The following IFT43 variants were observed in gnomAD, a reference collection of about 807,000 sequenced individuals.
IFT43 encodes intraflagellar transport 43, also known as intraflagellar transport protein 43 homolog.
A neutral mutation model predicts 32.3 loss-of-function variants in IFT43; 33 were observed. The ratio of observed to expected loss-of-function variants is 1.02; its 90% CI spans 0.77 to 1.37. The LOEUF (loss-of-function observed/expected upper bound fraction) is 1.37, where lower values mean the gene tolerates loss of function less well. Among genes scored for constraint, IFT43 ranks in the 40% most tolerant of loss-of-function variants. IFT43 has a pLI of 0.00. For missense variants in IFT43, 274 were observed against 265.9 expected, an observed-to-expected ratio of 1.03 and a Z score of -0.21; for synonymous variants, 93 against 98.2, an observed-to-expected ratio of 0.95 and a Z score of 0.31.
chr14:76,078,957 T>TACACCATTTAC (rs2037459176), intron 5 of IFT43, among the ~76,000 whole-genome samples: 1 of 152,140 alleles, frequency 6.6e-6, no homozygotes, highest in Non-Finnish European at 1.5e-5. Context: ...AAGTAGCGAG[T>TACACCATTTAC]CAGGGTGTAT....
intron 3 of IFT43, among the ~76,000 whole-genome samples, chr14:76,047,495 T>C (rs766297280): frequency 1.3e-5 from 2 of 152,162 alleles, no homozygotes; most frequent in African/African-American, 2.4e-5. Flanking sequence ...GTTAACTGTT[T>C]AGGAGAGGAG....
At chr14:76,023,025 C>G (rs1189196051) in intron 3 of IFT43, among the ~76,000 whole-genome samples, 1 of 152,232 alleles carries the variant, frequency 6.6e-6, no homozygotes, top group Non-Finnish European at 1.5e-5. Flanking sequence ...CTGACATTAT[C>G]TCATCAGCCT....
At chr14:76,034,974 G>A (rs1198658861) in intron 3 of IFT43, among the ~76,000 whole-genome samples, 1 of 152,252 alleles carries the variant, frequency 6.6e-6, no homozygotes, top group Admixed American at 6.5e-5. Context: ...AGAGAGGAAG[G>A]AAAGGTAGTT....
intron 2 of IFT43, among the ~76,000 whole-genome samples, chr14:76,011,572 C>T (rs1290719454): frequency 6.6e-6 from 1 of 152,222 alleles, no homozygotes; most frequent in Non-Finnish European, 1.5e-5. Context: ...TTCTTTGGCA[C>T]TGTGAAAATG....
At chr14:76,059,027 G>T in intron 4 of IFT43, 3 of 1,421,098 alleles carry the variant, frequency 2.1e-6, no homozygotes, top group Non-Finnish European at 2.7e-6. Flanking sequence ...AAAGAAAGAA[G>T]TTTTCTAGAT....
chr14:75,989,831 G>C (rs142556418), intron 2 of IFT43, among the ~76,000 whole-genome samples: 1 of 152,142 alleles, frequency 6.6e-6, no homozygotes, highest in Admixed American at 6.5e-5. Context: ...AAGCCTAATG[G>C]GTCAGGCAGG....
intron 2 of IFT43, among the ~76,000 whole-genome samples, chr14:75,998,818 T>C (rs1243177044): frequency 6.6e-6 from 1 of 152,182 alleles, no homozygotes; most frequent in Non-Finnish European, 1.5e-5. Context: ...GGCTATGACA[T>C]GTACTCTGGG....
At chr14:76,076,732 C>A (rs1055991963) in intron 5 of IFT43, 1 of 1,610,636 alleles carries the variant, frequency 6.2e-7, no homozygotes, top group Non-Finnish European at 8.5e-7. Flanking sequence ...TGAAAAGGAT[C>A]CTTCTGGGAC....
chr14:75,989,194 A>T (rs565240842), intron 2 of IFT43, among the ~76,000 whole-genome samples: 2 of 152,288 alleles, frequency 1.3e-5, no homozygotes, highest in South Asian at 4.1e-4. Flanking sequence ...GCATTTCCTT[A>T]TATTCTTAAT....
chr14:75,999,229 A>ATT (rs2035806302), intron 2 of IFT43, among the ~76,000 whole-genome samples: 1 of 5,214 alleles, frequency 1.9e-4, no homozygotes, highest in East Asian at 2.5e-3. Context: ...AATTCATTTT[A>ATT]TATATATATA....
intron 2 of IFT43, among the ~76,000 whole-genome samples, chr14:75,998,188 C>G (rs2035783159): frequency 6.6e-6 from 1 of 152,212 alleles, no homozygotes; most frequent in Non-Finnish European, 1.5e-5. Context: ...CAATTGCAAG[C>G]TGCAGAAATG....
At chr14:76,031,016 A>ATG (rs1056094497) in intron 3 of IFT43, among the ~76,000 whole-genome samples, 2 of 148,378 alleles carry the variant, frequency 1.3e-5, no homozygotes, top group African/African-American at 4.9e-5. Context: ...AAGTAAACAT[A>ATG]TGTGTATATA....
At chr14:76,060,232 T>A (rs910735757) in intron 5 of IFT43, among the ~76,000 whole-genome samples, 8 of 152,214 alleles carry the variant, frequency 5.3e-5, no homozygotes, top group Admixed American at 3.3e-4. Context: ...TATTATTATT[T>A]TTTGAGGCAG....
chr14:76,041,043 G>A (rs997160349), intron 3 of IFT43, among the ~76,000 whole-genome samples: 1 of 152,230 alleles, frequency 6.6e-6, no homozygotes, highest in African/African-American at 2.4e-5. Flanking sequence ...GCCAAGTGCA[G>A]GCACAAGCCT....
At chr14:76,065,340 A>G (rs1261691536) in intron 5 of IFT43, among the ~76,000 whole-genome samples, 1 of 152,230 alleles carries the variant, frequency 6.6e-6, no homozygotes, top group Non-Finnish European at 1.5e-5. Flanking sequence ...AGTTTTGAAA[A>G]ATCAACTTTA....
intron 5 of IFT43, among the ~76,000 whole-genome samples, chr14:76,077,656 CT>C (rs764434606): frequency 6.6e-6 from 1 of 152,130 alleles, no homozygotes; most frequent in Non-Finnish European, 1.5e-5. Context: ...CTTATTTCTG[CT>C]TGTTAGATTC....
rs368519992 is a variant in IFT43 at position 75,989,297 on chromosome 14, T to C, written c.147+320T>C. On this transcript the variant is annotated intron_variant, in intron 2 of 8. Coordinates refer to ENST00000314067, the MANE Select transcript of IFT43 (RefSeq NM_001102564.3). Reference sequence around the variant, plus strand: ...TTTATTTCCGCTGAATAAATGCCAGTGAGGCAGACTGGTGACGTAAGGTTG... The same window carrying C: ...TTTATTTCCGCTGAATAAATGCCAGCGAGGCAGACTGGTGACGTAAGGTTG... 3.9e-5 allele frequency among the ~76,000 whole-genome samples: 6 copies of C among 152,134 alleles called. No homozygotes were observed. The East Asian group carries it at 1.2e-3, about 29-fold the overall frequency.
intron 3 of IFT43, among the ~76,000 whole-genome samples, chr14:76,053,167 A>G (rs1011590033): frequency 7.9e-5 from 12 of 152,240 alleles, no homozygotes; most frequent in Admixed American, 3.9e-4. Context: ...GTGATTATAT[A>G]ATTGTATAAT....
intron 2 of IFT43, among the ~76,000 whole-genome samples, chr14:76,019,903 T>G (rs1332966445): frequency 6.6e-6 from 1 of 152,118 alleles, no homozygotes. Context: ...GATTTCTATT[T>G]GGTTCTTTTT....
Sources: allele counts gnomAD v4.1 joint callset (sites outside exome capture counted in the v4.1 genomes callset), GRCh38; gene constraint gnomAD v4.1.1; transcripts MANE v1.5; gene names NCBI Gene and HGNC (gene_info 2026-07-23, HGNC 2026-07-21).